CNTN4: variants seen among roughly 807,000 people sequenced by gnomAD.
The protein encoded by CNTN4 is contactin 4.
CNTN4 carries 77 observed loss-of-function variants against 122.5 expected under a neutral mutation model. That is an observed-to-expected ratio of 0.63 (90% CI 0.52 to 0.76). The LOEUF is 0.76. Ranked by LOEUF, CNTN4 falls within the 30% of genes least tolerant of loss-of-function variation. The pLI, the probability that CNTN4 is intolerant of heterozygous loss-of-function variation, is 0.00. For missense variants in CNTN4, 1,256 were observed against 1,259.1 expected (o/e 1.00, Z 0.04); for synonymous variants, 512 against 447.0 (o/e 1.15, Z -1.83).
In CNTN4 at chr3:2,778,146, G is replaced by A. The variant is rs1278786478; in HGVS notation, c.358+32449G>A. Among the ~76,000 whole-genome samples, 5 of 139,208 alleles carry A rather than the reference G, an allele frequency of 3.6e-5. 1 individual carries two copies. The highest frequency in any genetic ancestry group is 4.8e-4 in the East Asian group (2 of 4,136). The allele number at this position is 139,208 out of a possible 152,430, so 91.3% of individuals were successfully genotyped here. A position where few individuals can be genotyped will look rare whatever the true frequency, so the allele number is the denominator to read the frequency against. On this transcript the variant is annotated intron_variant, in intron 6 of 24. Coordinates refer to ENST00000418658, the MANE Select transcript of CNTN4 (RefSeq NM_175607.3). ...GGAGAATGGCGGGAACCCAGGAAGC[G>A]GAGCTTGTGGTGAGCCGAGATCGCG...
intron 2 of CNTN4, among the ~76,000 whole-genome samples, chr3:2,174,203 A>G (rs1477945291): frequency 1.3e-5 from 2 of 152,166 alleles, no homozygotes; most frequent in Non-Finnish European, 1.5e-5. Flanking sequence ...TTCCGTGGAA[A>G]AGAGGCTATA....
At chr3:2,397,939 A>C (rs1175315189) in intron 3 of CNTN4, among the ~76,000 whole-genome samples, 3 of 152,164 alleles carry the variant, frequency 2.0e-5, no homozygotes, top group Non-Finnish European at 2.9e-5. Flanking sequence ...TGGTCTAAGA[A>C]AATGAAGAGT....
intron 3 of CNTN4, among the ~76,000 whole-genome samples, chr3:2,369,051 G>A (rs1172369431): frequency 6.6e-6 from 1 of 152,122 alleles, no homozygotes; most frequent in Non-Finnish European, 1.5e-5. Context: ...CAGCTCCCGA[G>A]TAGCTGGGAT....
chr3:2,423,739 T>G (rs1243518960), intron 3 of CNTN4, among the ~76,000 whole-genome samples: 1 of 152,110 alleles, frequency 6.6e-6, no homozygotes, highest in Admixed American at 6.6e-5. Context: ...ACTGATTTTT[T>G]GCTCTCTTTT....
At chr3:2,583,377 T>TGGG (rs1430517854) in intron 4 of CNTN4, among the ~76,000 whole-genome samples, 10 of 152,228 alleles carry the variant, frequency 6.6e-5, no homozygotes, top group African/African-American at 2.4e-4. Flanking sequence ...TTGCCCAAGT[T>TGGG]CACATGGCTA....
At chr3:2,417,623 CT>C (rs1466618611) in intron 3 of CNTN4, among the ~76,000 whole-genome samples, 1 of 152,194 alleles carries the variant, frequency 6.6e-6, no homozygotes, top group Admixed American at 6.5e-5. Flanking sequence ...AGCAATCACA[CT>C]CCTTGAGATT....
At chr3:2,650,482 T>C (rs951375590) in intron 4 of CNTN4, among the ~76,000 whole-genome samples, 2 of 152,190 alleles carry the variant, frequency 1.3e-5, no homozygotes, top group Non-Finnish European at 2.9e-5. Context: ...TTTGAGAGGA[T>C]TGGCTTCAGT....
At chr3:2,268,550 G>A (rs2041146692) in intron 2 of CNTN4, among the ~76,000 whole-genome samples, 1 of 151,022 alleles carries the variant, frequency 6.6e-6, no homozygotes. Flanking sequence ...TGCAGGGTAT[G>A]CTATTGTAAA....
At chr3:2,123,637 C>A (rs1376076632) in intron 2 of CNTN4, among the ~76,000 whole-genome samples, 1 of 152,174 alleles carries the variant, frequency 6.6e-6, no homozygotes, top group East Asian at 1.9e-4. Context: ...AATTGAGATG[C>A]TGTAGTTTTC....
At chr3:2,436,168 C>T (rs555691790) in intron 3 of CNTN4, among the ~76,000 whole-genome samples, 1 of 152,122 alleles carries the variant, frequency 6.6e-6, no homozygotes, top group South Asian at 2.1e-4. Context: ...TTCATTCAAC[C>T]AACATTTTTA....
At chr3:2,356,983 A>G (rs1331968147) in intron 3 of CNTN4, among the ~76,000 whole-genome samples, 1 of 152,224 alleles carries the variant, frequency 6.6e-6, no homozygotes, top group Non-Finnish European at 1.5e-5. Flanking sequence ...ACACAATAAG[A>G]TTTATGCAGA....
intron 16 of CNTN4, among the ~76,000 whole-genome samples, chr3:3,032,915 C>T (rs541371435): frequency 1.3e-5 from 2 of 152,172 alleles, no homozygotes; most frequent in Admixed American, 6.5e-5. Flanking sequence ...AGCTATGCAT[C>T]GGTAGGAGAG....
chr3:2,854,067 G>A (rs918303541), intron 7 of CNTN4, among the ~76,000 whole-genome samples: 9 of 152,118 alleles, frequency 5.9e-5, no homozygotes, highest in Non-Finnish European at 1.0e-4. Context: ...ATTGCAGCCA[G>A]TGATGGTCTT....
At chr3:2,295,874 C>G (rs1012609465) in intron 2 of CNTN4, among the ~76,000 whole-genome samples, 33 of 152,134 alleles carry the variant, frequency 2.2e-4, no homozygotes, top group Non-Finnish European at 4.6e-4. Context: ...AGGAAGGGAT[C>G]CAGTTTCAGC....
intron 7 of CNTN4, among the ~76,000 whole-genome samples, chr3:2,850,546 A>G (rs963109724): frequency 2.0e-5 from 3 of 152,136 alleles, no homozygotes; most frequent in Non-Finnish European, 2.9e-5. Flanking sequence ...TTCAGCTTGC[A>G]CCCAGATCAT....
chr3:2,400,045 G>A (rs80250679), intron 3 of CNTN4, among the ~76,000 whole-genome samples: 6,158 of 151,942 alleles, frequency 0.041, 174 homozygotes, highest in Non-Finnish European at 0.061. Flanking sequence ...GACTAATTAC[G>A]GGCTTGGGTT....
intron 8 of CNTN4, among the ~76,000 whole-genome samples, chr3:2,871,346 C>T (rs904310756): frequency 6.6e-6 from 1 of 152,038 alleles, no homozygotes; most frequent in African/African-American, 2.4e-5. Flanking sequence ...TTTTAAAAGA[C>T]AGATTACTAT....
intron 2 of CNTN4, among the ~76,000 whole-genome samples, chr3:2,172,609 A>T (rs2036565592): frequency 6.6e-6 from 1 of 152,228 alleles, no homozygotes; most frequent in Non-Finnish European, 1.5e-5. Context: ...AAGCCGTTTA[A>T]TACTTGGTTA....
intron 2 of CNTN4, among the ~76,000 whole-genome samples, chr3:2,267,602 G>A (rs1052717529): frequency 2.0e-5 from 3 of 152,076 alleles, no homozygotes; most frequent in Middle Eastern, 6.8e-3. Flanking sequence ...GCATAGAATT[G>A]CAGGATTGGA....
Sources: gnomAD v4.1 joint callset for allele counts (sites outside exome capture counted in the v4.1 genomes callset) on GRCh38, gnomAD v4.1.1 for gene constraint, MANE v1.5 for transcripts, NCBI Gene and HGNC (gene_info 2026-07-23, HGNC 2026-07-21) for gene names.